HNRNPF: variants seen among roughly 807,000 people sequenced by gnomAD.
The protein encoded by HNRNPF is HnRNP F protein.
Under a neutral mutation model 26.0 loss-of-function variants are expected in HNRNPF, and 2 were observed. That is an observed-to-expected ratio of 0.08 (90% CI 0.03 to 0.24). HNRNPF has a LOEUF of 0.24. HNRNPF is among the 10% of genes least tolerant of loss of function. HNRNPF has a pLI of 1.00. For synonymous variants in HNRNPF, 234 were observed against 211.5 expected, an observed-to-expected ratio of 1.11 and a Z score of -0.92; for missense variants, 299 against 539.2, an observed-to-expected ratio of 0.55 and a Z score of 4.41.
intron 1 of HNRNPF, among the ~76,000 whole-genome samples, chr10:43,405,725 T>C (rs956801257): frequency 1.3e-5 from 2 of 152,196 alleles, no homozygotes; most frequent in East Asian, 1.9e-4. Context: ...AATGTATTTT[T>C]AGGCATGACA....
At chr10:43,408,003 C>G (rs1279384135) in intron 1 of HNRNPF, among the ~76,000 whole-genome samples, 1 of 152,226 alleles carries the variant, frequency 6.6e-6, no homozygotes, top group Non-Finnish European at 1.5e-5. Flanking sequence ...ACTGTCACTG[C>G]AGCCTCGACC....
At chr10:43,402,953 C>T (rs1273155674) in intron 1 of HNRNPF, among the ~76,000 whole-genome samples, 1 of 151,840 alleles carries the variant, frequency 6.6e-6, no homozygotes, top group Non-Finnish European at 1.5e-5. Flanking sequence ...GTACTGCAAT[C>T]ACAACTCACT....
chr10:43,395,460 C>T (rs535320763), intron 2 of HNRNPF, among the ~76,000 whole-genome samples: 2 of 152,278 alleles, frequency 1.3e-5, no homozygotes, highest in East Asian at 3.9e-4. Context: ...AACTAAGCTG[C>T]TTGAGTTTTG....
At position 43,386,471 on chromosome 10, in the gene HNRNPF, G is replaced by C. The variant is rs1457866355; in HGVS notation, c.*166C>G. ...GTTTACTCATTATCACATGCTAGAA[G>C]AAAATTTTGCATGAGAAAACACTGA... is the stretch of plus-strand genomic sequence containing the variant. On this transcript the variant is annotated 3_prime_UTR_variant, in exon 4 of 4. Transcript: ENST00000682386. 3 of 634,466 alleles carry C rather than the reference G, an allele frequency of 4.7e-6. No homozygotes were observed. Among genetic ancestry groups the C allele is most frequent in the Non-Finnish European group, 7.9e-6 (3 of 379,772 alleles). The allele number at this position is 634,466 out of a possible 1,614,324, so 39.3% of individuals were successfully genotyped here.
intron 1 of HNRNPF, among the ~76,000 whole-genome samples, chr10:43,398,251 C>T (rs1410170162): frequency 2.0e-5 from 3 of 151,948 alleles, no homozygotes; most frequent in African/African-American, 4.8e-5. Context: ...GTCTCGATAT[C>T]TTGACCTCGT....
Position 43,386,807 on chromosome 10 carries a change from A to G in HNRNPF, c.1078T>C (p.Phe360Leu). ...CTGGCCCCTGTTGTTGAATTCAAGA[A>G]GAGTTCTATATATCTGTGCTGCATA... ...ANMQHRYIELFLNSTTGASNG... is the reference protein window; with the variant it reads ...ANMQHRYIELLLNSTTGASNG... Residue 360 changes from phenylalanine (F) to leucine (L), a missense_variant, in exon 4 of 4, where the codon TTC (phenylalanine) becomes CTC (leucine). Transcript: ENST00000682386. 6.2e-7 allele frequency: 1 copy of G among 1,614,182 alleles called. No homozygotes were observed. The highest frequency in any genetic ancestry group is 8.5e-7 in the Non-Finnish European group (1 of 1,180,028).
rs1436861051 is a variant in HNRNPF, at chr10:43,387,675, G to A, written c.210C>T (p.Ala70=). 6.2e-7 allele frequency: 1 copy of A among 1,613,954 alleles called. No individual in the cohort carries two copies. Among genetic ancestry groups the A allele is most frequent in the South Asian group, 1.1e-5 (1 of 91,070 alleles). ...CCATGCTTTCCCTGTCTTTTTTCAG[G>A]GCCATTTTTACATCATCTTCTGATC... ...ELGSEDDVKM[A]LKKDRESMGH... is the part of the protein sequence containing the mutation. The change falls in exon 4 of 4, where the codon GCC becomes GCT. Residue 70 remains alanine, a synonymous_variant. Coordinates refer to ENST00000682386, the MANE Select transcript of HNRNPF (RefSeq NM_001098204.2). The surrounding 1 kb of genome is among the most constrained non-coding windows in gnomAD (Gnocchi z 6.0).
intron 3 of HNRNPF, among the ~76,000 whole-genome samples, chr10:43,389,711 A>T (rs1463197940): frequency 6.6e-6 from 1 of 152,218 alleles, no homozygotes; most frequent in Non-Finnish European, 1.5e-5. Context: ...TCCTGAACAC[A>T]TCACCAAGAC....
At chr10:43,397,877 T>G (rs1222851017) in intron 1 of HNRNPF, among the ~76,000 whole-genome samples, 1 of 152,236 alleles carries the variant, frequency 6.6e-6, no homozygotes, top group Non-Finnish European at 1.5e-5. Flanking sequence ...TGATACCTGA[T>G]TTCTTGAATG....
intron 3 of HNRNPF, among the ~76,000 whole-genome samples, chr10:43,393,493 G>A (rs1314882993): frequency 6.6e-6 from 1 of 152,126 alleles, no homozygotes; most frequent in East Asian, 1.9e-4. Context: ...TACTCAGGAA[G>A]GCTGAGGCAG....
chr10:43,396,324 G>A (rs1474961486), intron 2 of HNRNPF, 132 bp downstream of exon 2: 1 of 152,346 alleles, frequency 6.6e-6, no homozygotes, highest in East Asian at 1.9e-4. Flanking sequence ...CGTGCCCCCG[G>A]GAAACCGGGC....
chr10:43,404,556 C>G (rs1391900532), intron 1 of HNRNPF, among the ~76,000 whole-genome samples: 2 of 152,012 alleles, frequency 1.3e-5, no homozygotes, highest in East Asian at 1.9e-4. Context: ...AAACTCTCAT[C>G]TGAATCAAAA....
chr10:43,389,894 A>C (rs952945742), intron 3 of HNRNPF, among the ~76,000 whole-genome samples: 14 of 152,196 alleles, frequency 9.2e-5, no homozygotes, highest in African/African-American at 3.4e-4. Context: ...CAAATTATTG[A>C]CTATGTACAT....
At position 43,387,033 on chromosome 10, in the gene HNRNPF, C is replaced by T; in HGVS notation, c.852G>A (p.Gln284=). 2.5e-6 allele frequency: 4 copies of T among 1,613,532 alleles called. No homozygotes were observed. Among genetic ancestry groups the T allele is most frequent in the Non-Finnish European group, 3.4e-6 (4 of 1,180,020 alleles). ...TGTGGACACAGTGGCCTGTGGTGCT[C>T]TGCACTGTGAACTCACTGTCGCCGT... ...HRYGDSEFTV[Q]STTGHCVHMR... The change falls in exon 4 of 4, where the codon CAG becomes CAA. Residue 284 remains glutamine (Q), a synonymous_variant. Transcript: ENST00000682386. The surrounding 1 kb of genome is among the most constrained non-coding windows in gnomAD (Gnocchi z 6.0).
intron 1 of HNRNPF, among the ~76,000 whole-genome samples, chr10:43,403,252 A>G (rs1331907326): frequency 1.3e-5 from 2 of 152,142 alleles, no homozygotes; most frequent in Non-Finnish European, 2.9e-5. Flanking sequence ...TCCTGGCCTC[A>G]AGCAATCCGC....
intron 1 of HNRNPF, among the ~76,000 whole-genome samples, chr10:43,397,531 A>G (rs1838594348): frequency 6.6e-6 from 1 of 152,336 alleles, no homozygotes. Flanking sequence ...GTGGAAGAGA[A>G]GCCAGCAAGT....
At chr10:43,393,679 A>C (rs989863029) in intron 3 of HNRNPF, among the ~76,000 whole-genome samples, 2 of 151,956 alleles carry the variant, frequency 1.3e-5, no homozygotes, top group South Asian at 2.1e-4. Context: ...TTTAAAACTC[A>C]TTACTGTCCT....
intron 3 of HNRNPF, among the ~76,000 whole-genome samples, chr10:43,391,480 A>C (rs1305900253): frequency 6.6e-6 from 1 of 151,316 alleles, no homozygotes; most frequent in East Asian, 1.9e-4. Flanking sequence ...CCACACAAGA[A>C]AAAAAAAAGA....
chr10:43,398,629 C>T (rs944588784), intron 1 of HNRNPF, among the ~76,000 whole-genome samples: 6 of 151,942 alleles, frequency 3.9e-5, no homozygotes, highest in African/African-American at 9.7e-5. Flanking sequence ...TGTGAGCCAC[C>T]GCGCCCGGCC....
Sources: allele counts gnomAD v4.1 joint callset (sites outside exome capture counted in the v4.1 genomes callset), GRCh38; gene constraint gnomAD v4.1.1; non-coding constraint Gnocchi (gnomAD v3.1); transcripts MANE v1.5; gene names NCBI Gene and HGNC (gene_info 2026-07-23, HGNC 2026-07-21).